The following SGCD variants were observed in gnomAD, a reference collection of about 807,000 sequenced individuals.
The protein encoded by SGCD is delta-sarcoglycan.
Under a neutral mutation model 36.6 loss-of-function variants are expected in SGCD, and 18 were observed. The ratio of observed to expected loss-of-function variants is 0.49; its 90% confidence interval spans 0.34 to 0.73. The LOEUF (loss-of-function observed/expected upper bound fraction) is 0.73, where lower values mean the gene tolerates loss of function less well. Among genes scored for constraint, SGCD ranks in the 30% least tolerant of loss-of-function variants. SGCD has a pLI of 0.01. For synonymous variants in SGCD, 133 were observed against 130.6 expected (o/e 1.02, Z -0.12); for missense variants, 387 against 346.7 (o/e 1.12, Z -0.92).
chr5:156,755,458 A>G (rs1334479118), intron 7 of SGCD, among the ~76,000 whole-genome samples: 1 of 152,218 alleles, frequency 6.6e-6, no homozygotes, highest in East Asian at 1.9e-4. Flanking sequence ...TGGCAAAAAA[A>G]ACCATCTTCA....
At chr5:156,746,960 A>G (rs1027518068) in intron 7 of SGCD, among the ~76,000 whole-genome samples, 1 of 152,162 alleles carries the variant, frequency 6.6e-6, no homozygotes, top group Admixed American at 6.5e-5. Flanking sequence ...AATACTTGAA[A>G]TATATATGAA....
At chr5:156,211,178 A>G (rs1381015060) in intron 3 of SGCD, among the ~76,000 whole-genome samples, 1 of 152,202 alleles carries the variant, frequency 6.6e-6, no homozygotes, top group African/African-American at 2.4e-5. Flanking sequence ...AAAAAAAACA[A>G]AAAACAAAGA....
chr5:155,906,802 A>G (rs1284383135), intron 1 of SGCD, among the ~76,000 whole-genome samples: 2 of 143,118 alleles, frequency 1.4e-5, no homozygotes, highest in African/African-American at 5.0e-5. Context: ...TTGATGCAGA[A>G]GCTGCAGCAA....
At chr5:155,978,654 C>T (rs1157187087) in intron 1 of SGCD, among the ~76,000 whole-genome samples, 1 of 152,178 alleles carries the variant, frequency 6.6e-6, no homozygotes, top group Non-Finnish European at 1.5e-5. Context: ...ATATAAATAT[C>T]AACTGTGGCC....
At chr5:156,463,141 T>G (rs1287146624) in intron 3 of SGCD, among the ~76,000 whole-genome samples, 1 of 151,486 alleles carries the variant, frequency 6.6e-6, no homozygotes, top group East Asian at 1.9e-4. Flanking sequence ...TTTTTTGGTT[T>G]GTTTGTTTGT....
At chr5:156,060,659 T>G (rs887421605) in intron 1 of SGCD, among the ~76,000 whole-genome samples, 2 of 145,714 alleles carry the variant, frequency 1.4e-5, no homozygotes, top group African/African-American at 2.5e-5. Context: ...TGTAAAGATG[T>G]TTGGAGGTGG....
At chr5:156,109,114 TC>T (rs1041690404) in intron 1 of SGCD, among the ~76,000 whole-genome samples, 1 of 152,136 alleles carries the variant, frequency 6.6e-6, no homozygotes, top group Non-Finnish European at 1.5e-5. Context: ...CTCATGAAAT[TC>T]CTGAAAATTT....
chr5:155,944,654 T>C (rs1757400806), intron 1 of SGCD, among the ~76,000 whole-genome samples: 1 of 152,154 alleles, frequency 6.6e-6, no homozygotes, highest in Non-Finnish European at 1.5e-5. Flanking sequence ...TGTTAAGTGC[T>C]GCGATAAGAA....
intron 1 of SGCD, among the ~76,000 whole-genome samples, chr5:156,077,632 T>C (rs1162109387): frequency 1.3e-5 from 2 of 152,152 alleles, no homozygotes; most frequent in Admixed American, 6.5e-5. Context: ...ACACACACAC[T>C]GTACTAGGTC....
intron 4 of SGCD, among the ~76,000 whole-genome samples, chr5:156,575,122 G>A (rs777859895): frequency 6.6e-6 from 1 of 152,162 alleles, no homozygotes; most frequent in Admixed American, 6.5e-5. Flanking sequence ...GCAAAGAGTG[G>A]GGTGGAACAG....
At chr5:156,693,556 C>A (rs1180403098) in intron 7 of SGCD, among the ~76,000 whole-genome samples, 1 of 152,132 alleles carries the variant, frequency 6.6e-6, no homozygotes, top group South Asian at 2.1e-4. Context: ...GGTGCAGATA[C>A]CCATTTTATG....
chr5:155,729,302 T>A, the SGCD span, among the ~76,000 whole-genome samples: 18 of 152,304 alleles, frequency 1.2e-4, no homozygotes, highest in East Asian at 3.5e-3. Flanking sequence ...GCATAAGCGC[T>A]TAGAGATCCG....
intron 1 of SGCD, among the ~76,000 whole-genome samples, chr5:155,972,702 GT>G (rs1289875606): frequency 6.6e-6 from 1 of 151,652 alleles, no homozygotes; most frequent in South Asian, 2.1e-4. Context: ...GTTTGAGAGT[GT>G]CTGTTTCCCT....
At position 155,977,362 on chromosome 5, in the gene SGCD, C is replaced by T. The variant is rs543005522; in HGVS notation, c.-282+106938C>T. On this transcript the variant is annotated intron_variant, in intron 1 of 9. Transcript: ENST00000517913. ...AATGAGTTGCTCTTCATAATACTCA[C>T]AAGTTTAAACAGTTAATTTTGTAAT... Among the ~76,000 whole-genome samples the T allele has an allele frequency of 4.6e-4, 70 of 152,326 alleles. 1 individual carries two copies. In the South Asian group the frequency reaches 0.013, roughly 28 times the overall value.
At chr5:156,233,601 T>G (rs1765077599) in intron 3 of SGCD, among the ~76,000 whole-genome samples, 1 of 152,190 alleles carries the variant, frequency 6.6e-6, no homozygotes, top group Non-Finnish European at 1.5e-5. Context: ...GAAACAATGA[T>G]CTTACAGTGT....
intron 3 of SGCD, among the ~76,000 whole-genome samples, chr5:156,219,711 T>A (rs1470229150): frequency 6.6e-6 from 1 of 152,180 alleles, no homozygotes; most frequent in Non-Finnish European, 1.5e-5. Context: ...TAGCTACAAC[T>A]GCCATTTCTG....
At chr5:155,977,763 C>A (rs1425840479) in intron 1 of SGCD, among the ~76,000 whole-genome samples, 1 of 152,120 alleles carries the variant, frequency 6.6e-6, no homozygotes, top group Non-Finnish European at 1.5e-5. Flanking sequence ...ACTGGAAGGT[C>A]ATGGTGGATA....
chr5:156,511,552 T>C (rs1416418353), intron 4 of SGCD, among the ~76,000 whole-genome samples: 2 of 152,224 alleles, frequency 1.3e-5, no homozygotes, highest in Middle Eastern at 3.2e-3. Context: ...GTAAAATGCA[T>C]TATTAGGTGT....
In SGCD at chr5:156,734,707, T is replaced by TATCA. The variant is rs746469139; in HGVS notation, c.576-22873_576-22870dup. Among the ~76,000 whole-genome samples, 13 of 152,314 alleles carry TATCA rather than the reference T, an allele frequency of 8.5e-5. No homozygotes were observed. The South Asian group carries it at 1.0e-3, about 12-fold the overall frequency. On this transcript the variant is annotated intron_variant, in intron 7 of 8. Coordinates refer to ENST00000337851, the MANE Select transcript of SGCD (RefSeq NM_000337.6). Reference sequence around the variant, plus strand: ...ATTCTTGTAGTCTGTTTTTTACCTCTATCAGTTTGGTTGCATTCCTCTCTA... The same window carrying TATCA: ...ATTCTTGTAGTCTGTTTTTTACCTCTATCAATCAGTTTGGTTGCATTCCTCTCTA...
Sources: gnomAD v4.1 joint callset for allele counts (sites outside exome capture counted in the v4.1 genomes callset) on GRCh38, gnomAD v4.1.1 for gene constraint, MANE v1.5 for transcripts, NCBI Gene and HGNC (gene_info 2026-07-23, HGNC 2026-07-21) for gene names.